LGALS2: variants seen among roughly 807,000 people sequenced by gnomAD.
LGALS2 encodes galectin 2, also known as galectin-2.
Under a neutral mutation model 10.1 loss-of-function variants are expected in LGALS2, and 7 were observed. That is an observed-to-expected ratio of 0.70 (90% confidence interval 0.40 to 1.31). The LOEUF (loss-of-function observed/expected upper bound fraction) is 1.31. Among genes scored for constraint, LGALS2 ranks in the 50% most tolerant of loss-of-function variants. The pLI is 0.01. For missense variants in LGALS2, 167 were observed against 163.6 expected (o/e 1.02, Z -0.11); for synonymous variants, 86 against 64.2 (o/e 1.34, Z -1.63).
At chr22:37,579,787 T>G in intron 1 of LGALS2, 113 bp downstream of exon 1, 1 of 1,156,240 alleles carries the variant, frequency 8.6e-7, no homozygotes, top group South Asian at 1.4e-5. Context: ...GCTGCACAGA[T>G]GGGGAAACTG....
In LGALS2 at chr22:37,570,401, G is replaced by C. The variant is rs1411567137; in HGVS notation, c.261C>G (p.Thr87=). The C allele has an allele frequency of 6.2e-7, 1 of 1,613,636 alleles. No individual in the cohort carries two copies. Among genetic ancestry groups the C allele is most frequent in the Admixed American group, 1.7e-5 (1 of 60,020 alleles). ...SPGSEVKFTV[T]FESDKFKVKL... is the part of the protein sequence containing the mutation. ...TCACCTTGAATTTGTCACTCTCAAA[G>C]GTCACTGTGAACTGTGGGGAGGGAG... The change falls in exon 4 of 4, where the codon ACC becomes ACG. Residue 87 remains threonine, a synonymous_variant. Coordinates refer to ENST00000215886, the MANE Select transcript of LGALS2 (RefSeq NM_006498.3).
chr22:37,573,742 G>GT (rs954349198), intron 1 of LGALS2, among the ~76,000 whole-genome samples: 2 of 138,796 alleles, frequency 1.4e-5, no homozygotes, highest in Non-Finnish European at 3.1e-5. Flanking sequence ...TTTTTTTTTT[G>GT]TTTTTTTGAG....
intron 1 of LGALS2, among the ~76,000 whole-genome samples, chr22:37,573,082 T>G (rs1285222558): frequency 6.6e-6 from 1 of 151,784 alleles, no homozygotes; most frequent in Non-Finnish European, 1.5e-5. Context: ...AAGACCAGTC[T>G]GCCTAACATT....
chr22:37,579,664 C>G (rs893063215), intron 1 of LGALS2, among the ~76,000 whole-genome samples: 16 of 152,074 alleles, frequency 1.1e-4, no homozygotes, highest in African/African-American at 3.4e-4. Context: ...AAACTCCCAA[C>G]CTCAGATGAT....
chr22:37,576,957 A>C (rs1294774142), intron 1 of LGALS2, among the ~76,000 whole-genome samples: 1 of 129,168 alleles, frequency 7.7e-6, no homozygotes, highest in Admixed American at 8.5e-5. Context: ...AGAGACAGGC[A>C]GAACTGGGTG....
At position 37,570,249 on chromosome 22, in the gene LGALS2, C is replaced by T. The variant is rs771201710; in HGVS notation, c.*14G>A. The T allele has an allele frequency of 1.0e-5, 16 of 1,593,742 alleles. No homozygotes were observed. In the African/African-American group the frequency reaches 1.7e-4, roughly 17 times the overall value. On this transcript the variant is annotated 3_prime_UTR_variant, in exon 4 of 4. Coordinates refer to ENST00000215886, the MANE Select transcript of LGALS2 (RefSeq NM_006498.3). Reference sequence around the variant, plus strand: ...GAAGAAGAACCAGGACAGAGAATCTCGGCTGGAAGTCTTTTATTCTTTTAA... The same window carrying T: ...GAAGAAGAACCAGGACAGAGAATCTTGGCTGGAAGTCTTTTATTCTTTTAA...
At chr22:37,572,178 G>A (rs548170354) in intron 1 of LGALS2, among the ~76,000 whole-genome samples, 8 of 152,358 alleles carry the variant, frequency 5.3e-5, no homozygotes, top group East Asian at 1.9e-4. Context: ...GGCACAGGAC[G>A]GAGGCTCAGT....
rs1243200093 is a variant in LGALS2 at position 37,570,284 on chromosome 22, G to A, written c.378C>T (p.Ser126=). The stretch of plus-strand genomic sequence containing the variant: ...TCTTTTATTCTTTTAACTTGAAAGA[G>A]GACATGTTGAACCCGCCCCTTACGC... ...YLSVRGGFNM[S]SFKLKE Residue 126 remains serine (S), a synonymous_variant, in exon 4 of 4, where the codon TCC becomes TCT. Transcript: ENST00000215886. The A allele has an allele frequency of 1.9e-6, 3 of 1,608,368 alleles. No individual in the cohort carries two copies. The South Asian group carries it at 3.3e-5, about 18-fold the overall frequency.
rs188420751 is a variant in LGALS2, at chr22:37,570,682, G to A, written c.143C>T (p.Pro48Leu). The A allele has an allele frequency of 7.7e-4, 1,244 of 1,614,252 alleles. 16 individuals carry two copies. Among genetic ancestry groups the A allele is most frequent in the Non-Finnish European group, 5.2e-5 (61 of 1,180,054 alleles). ...GTDKLNLHFNPRFSESTIVCN... is the reference protein window; with the variant it reads ...GTDKLNLHFNLRFSESTIVCN... ...GACAATGGTGGATTCGCTGAAGCGA[G>A]GGTTGAAATGCAGGTTCAGCTTGTC... Residue 48 changes from proline to leucine, a missense_variant, in exon 3 of 4, where the codon CCT becomes CTT. Pro to Leu is a moderately conservative substitution (Grantham distance 98). Transcript: ENST00000215886.
In LGALS2 at chr22:37,570,691, T is replaced by C; in HGVS notation, c.134A>G (p.His45Arg). Residue 45 changes from histidine to arginine, a missense_variant, in exon 3 of 4, where the codon CAT becomes CGT. Transcript: ENST00000215886. ...LGQGTDKLNL[H>R]FNPRFSESTI... ...GGATTCGCTGAAGCGAGGGTTGAAATGCAGGTTCAGCTTGTCTGTCCCCTG... is the reference window on the plus strand; with the variant it reads ...GGATTCGCTGAAGCGAGGGTTGAAACGCAGGTTCAGCTTGTCTGTCCCCTG... 6.2e-6 allele frequency: 10 copies of C among 1,614,248 alleles called. No homozygotes were observed. The highest frequency in any genetic ancestry group is 1.3e-5 in the African/African-American group (1 of 75,064).
rs984504002 is a variant in LGALS2 at position 37,571,789 on chromosome 22, C to T, written c.89+60G>A. ...GCACTTCACAGGGCTGCCCTGCCTG[C>T]CCCACCCGCCCTGCCTATTCCGGGC... is the stretch of plus-strand genomic sequence containing the variant. On this transcript the variant is annotated intron_variant, in intron 2 of 3. Transcript: ENST00000215886. 7.9e-6 allele frequency: 11 copies of T among 1,398,630 alleles called. No individual in the cohort carries two copies. In the Admixed American group the frequency reaches 1.0e-4, roughly 13 times the overall value. The allele number at this position is 1,398,630 out of a possible 1,614,324, so 86.6% of individuals were successfully genotyped here. A position where few individuals can be genotyped will look rare whatever the true frequency, so the allele number is the denominator to read the frequency against.
At chr22:37,577,544 TG>T (rs1925726974) in intron 1 of LGALS2, among the ~76,000 whole-genome samples, 1 of 151,116 alleles carries the variant, frequency 6.6e-6, no homozygotes, top group African/African-American at 2.4e-5. Flanking sequence ...TCTTCTTTTT[TG>T]TTTTTGTATT....
intron 1 of LGALS2, among the ~76,000 whole-genome samples, chr22:37,573,278 AAAAC>A (rs59786931): frequency 0.033 from 4,954 of 152,268 alleles, 258 homozygotes; most frequent in African/African-American, 0.11. Context: ...CTCAAAAACA[AAAAC>A]AAACAAACGA....
Position 37,570,308 on chromosome 22 carries a change from G to A in LGALS2, c.354C>T (p.Ser118=), listed in dbSNP as rs147975429. ...AGGACATGTTGAACCCGCCCCTTAC[G>A]CTCAGGTAGCTCAGGTGGCTGTGAC... ...RLGHSHLSYL[S]VRGGFNMSSF... The change falls in exon 4 of 4, where the codon AGC becomes AGT. Residue 118 remains serine, a synonymous_variant. Coordinates refer to ENST00000215886, the MANE Select transcript of LGALS2 (RefSeq NM_006498.3). 6.2e-6 allele frequency: 10 copies of A among 1,613,542 alleles called. No individual in the cohort carries two copies. The highest frequency in any genetic ancestry group is 8.5e-6 in the Non-Finnish European group (10 of 1,179,556).
rs1320091805 is a variant in LGALS2, at chr22:37,579,975, A to G, written c.-70T>C. The stretch of plus-strand genomic sequence containing the variant: ...GTGCTCAGGGTCTCAACTCGTGGTC[A>G]AGCTTATATCCTAGAATATTACACA... On this transcript the variant is annotated 5_prime_UTR_variant, in exon 1 of 4. Transcript: ENST00000215886. 4.5e-6 allele frequency: 7 copies of G among 1,557,470 alleles called. No homozygotes were observed. Among genetic ancestry groups the G allele is most frequent in the African/African-American group, 1.4e-5 (1 of 73,694 alleles).
At chr22:37,577,150 A>G (rs1295725010) in intron 1 of LGALS2, among the ~76,000 whole-genome samples, 5 of 152,130 alleles carry the variant, frequency 3.3e-5, no homozygotes, top group African/African-American at 1.2e-4. Context: ...GAGAGAGGAA[A>G]GAAAAGGCAG....
chr22:37,576,321 A>G (rs5750454), intron 1 of LGALS2, among the ~76,000 whole-genome samples: 78,031 of 150,906 alleles, frequency 0.52, 21,231 homozygotes, highest in Non-Finnish European at 0.6. Context: ...GCGTGGTGGC[A>G]GGCGCCTGTA....
rs142364421 is a variant in LGALS2 at position 37,572,933 on chromosome 22, T to C, written c.7-1002A>G. Among the ~76,000 whole-genome samples the C allele has an allele frequency of 3.7e-4, 56 of 150,930 alleles. No individual in the cohort carries two copies. In the East Asian group the frequency reaches 8.2e-3, roughly 22 times the overall value. On this transcript the variant is annotated intron_variant, in intron 1 of 3. Coordinates refer to ENST00000215886, the MANE Select transcript of LGALS2 (RefSeq NM_006498.3). ...TTGCCATGAGCTGAGATCGTACCAT[T>C]GCACTCCAGCCTGGGCGACAAGAGT...
rs768365871 is a variant in LGALS2 at position 37,571,936 on chromosome 22, G to A, written c.7-5C>T. Reference sequence around the variant, plus strand: ...GTTCTTAACCTCAAGTTCCCCCTGGGCCAACAGAGAAACATTCCACTCGAG... The same window carrying A: ...GTTCTTAACCTCAAGTTCCCCCTGGACCAACAGAGAAACATTCCACTCGAG... On this transcript the variant is annotated splice_region_variant and splice_polypyrimidine_tract_variant and intron_variant, in intron 1 of 3. Transcript: ENST00000215886. 43 of 1,612,554 alleles carry A rather than the reference G, an allele frequency of 2.7e-5. No individual in the cohort carries two copies. The highest frequency in any genetic ancestry group is 3.1e-5 in the Non-Finnish European group (37 of 1,178,598).
Sources: gnomAD v4.1 joint callset for allele counts (sites outside exome capture counted in the v4.1 genomes callset) on GRCh38, gnomAD v4.1.1 for gene constraint, MANE v1.5 for transcripts, NCBI Gene and HGNC (gene_info 2026-07-23, HGNC 2026-07-21) for gene names.